The following KIFAP3 variants were observed in gnomAD, a reference collection of about 807,000 sequenced individuals.
KIFAP3 encodes kinesin associated protein 3, also known as kinesin-associated protein 3.
A neutral mutation model predicts 106.5 loss-of-function variants in KIFAP3; 68 were observed. That is an observed-to-expected ratio of 0.64 (90% confidence interval 0.53 to 0.78). The LOEUF is 0.78. Ranked by LOEUF, KIFAP3 falls within the 30% of genes least tolerant of loss-of-function variation. The probability of loss-of-function intolerance (pLI) is 0.00; values close to 1 mark genes in which losing one functional copy is unlikely to be tolerated. For synonymous variants in KIFAP3, 320 were observed against 311.5 expected, an observed-to-expected ratio of 1.03 and a Z score of -0.29; for missense variants, 780 against 941.8, an observed-to-expected ratio of 0.83 and a Z score of 2.25.
At chr1:170,018,398 A>G (rs190357520) in intron 9 of KIFAP3, among the ~76,000 whole-genome samples, 22 of 152,322 alleles carry the variant, frequency 1.4e-4, no homozygotes, top group African/African-American at 4.8e-4. Context: ...CAGAGGACAC[A>G]ACTTATTTAG....
intron 8 of KIFAP3, among the ~76,000 whole-genome samples, chr1:170,031,343 C>T (rs1669400039): frequency 6.6e-6 from 1 of 151,636 alleles, no homozygotes; most frequent in South Asian, 2.1e-4. Context: ...CTACATGAAT[C>T]ATCAAATAGT....
At chr1:169,957,182 T>C (rs2101852276) in intron 18 of KIFAP3, among the ~76,000 whole-genome samples, 2 of 152,340 alleles carry the variant, frequency 1.3e-5, no homozygotes, top group Middle Eastern at 6.8e-3. Flanking sequence ...TCTAGGAGTG[T>C]CTTAAATTCC....
At chr1:170,018,141 A>G (rs1668615943) in intron 9 of KIFAP3, among the ~76,000 whole-genome samples, 1 of 152,222 alleles carries the variant, frequency 6.6e-6, no homozygotes, top group Admixed American at 6.5e-5. Flanking sequence ...CATGACCTAC[A>G]ATAATCATAT....
In KIFAP3 at chr1:169,928,699, C is replaced by CAAAAAAAAAAAAAAAA. The variant is rs10690029; in HGVS notation, c.2274-6934_2274-6919dup. ...AACAGAGTGAGTGAGACCCTGTCTC[C>CAAAAAAAAAAAAAAAA]AAAAAAAAAAAAAAAAAAAAAATTA... On this transcript the variant is annotated intron_variant, in intron 19 of 19. Coordinates refer to ENST00000361580, the MANE Select transcript of KIFAP3 (RefSeq NM_014970.4). Among the ~76,000 whole-genome samples the CAAAAAAAAAAAAAAAA allele has an allele frequency of 2.6e-4, 10 of 37,780 alleles. 3 individuals carry two copies. Among genetic ancestry groups the CAAAAAAAAAAAAAAAA allele is most frequent in the African/African-American group, 1.2e-3 (9 of 7,232 alleles). The allele number at this position is 37,780 out of a possible 152,430, so 24.8% of individuals were successfully genotyped here.
At chr1:169,973,862 G>C (rs1194871679) in intron 16 of KIFAP3, among the ~76,000 whole-genome samples, 2 of 151,780 alleles carry the variant, frequency 1.3e-5, no homozygotes, top group Non-Finnish European at 3.0e-5. Flanking sequence ...AGCTCGAATA[G>C]AGAAATGGAA....
At chr1:170,065,997 A>G (rs1408959285) in intron 1 of KIFAP3, among the ~76,000 whole-genome samples, 1 of 152,150 alleles carries the variant, frequency 6.6e-6, no homozygotes, top group African/African-American at 2.4e-5. Flanking sequence ...TTTTCCTAAC[A>G]GCCTTGTGAA....
chr1:170,017,255 C>CAAA (rs11417586), intron 9 of KIFAP3, among the ~76,000 whole-genome samples: 106 of 70,110 alleles, frequency 1.5e-3, no homozygotes, highest in African/African-American at 4.0e-3. Flanking sequence ...GAGACTGTCT[C>CAAA]AAAAAAAAAA....
chr1:169,957,230 A>G (rs16862843), intron 18 of KIFAP3, among the ~76,000 whole-genome samples: 1 of 152,212 alleles, frequency 6.6e-6, no homozygotes, highest in Non-Finnish European at 1.5e-5. Context: ...ACAAGGAACT[A>G]AAGTATTTCA....
At chr1:170,070,421 A>T (rs1043444259) in intron 1 of KIFAP3, among the ~76,000 whole-genome samples, 1 of 152,164 alleles carries the variant, frequency 6.6e-6, no homozygotes, top group African/African-American at 2.4e-5. Context: ...TTCAGTAATC[A>T]AAACAGTGAG....
intron 16 of KIFAP3, among the ~76,000 whole-genome samples, chr1:169,973,123 A>ATATATATATATATATATATATATATATAG (rs1553278139): frequency 3.9e-5 from 5 of 128,656 alleles, no homozygotes; most frequent in Admixed American, 8.4e-5. Context: ...ATATATATAT[A>ATATATATATATATATATATATATATATAG]AACAACACAA....
At chr1:170,015,946 T>C (rs1031034494) in intron 10 of KIFAP3, among the ~76,000 whole-genome samples, 5 of 152,068 alleles carry the variant, frequency 3.3e-5, no homozygotes, top group Non-Finnish European at 5.9e-5. Context: ...AATACCCTTT[T>C]TAGAGGCTGA....
chr1:170,017,845 G>A (rs898392462), intron 9 of KIFAP3, among the ~76,000 whole-genome samples: 1 of 152,116 alleles, frequency 6.6e-6, no homozygotes, highest in African/African-American at 2.4e-5. Context: ...TCTGTTAACT[G>A]ACAAATGGAA....
At chr1:169,923,264 T>A (rs1394656862) in intron 19 of KIFAP3, among the ~76,000 whole-genome samples, 1 of 152,182 alleles carries the variant, frequency 6.6e-6, no homozygotes, top group Non-Finnish European at 1.5e-5. Context: ...ATAGGCACTT[T>A]TTCTAACTTT....
intron 1 of KIFAP3, among the ~76,000 whole-genome samples, chr1:170,071,896 T>C (rs1317414383): frequency 3.9e-5 from 6 of 152,212 alleles, no homozygotes; most frequent in Non-Finnish European, 7.3e-5. Flanking sequence ...AGATGGACCT[T>C]GATATACCAT....
intron 19 of KIFAP3, among the ~76,000 whole-genome samples, chr1:169,938,873 G>A (rs549877726): frequency 6.6e-6 from 1 of 152,286 alleles, no homozygotes; most frequent in Admixed American, 6.5e-5. Flanking sequence ...GCACAAAGGT[G>A]ACAAAGTGCG....
chr1:170,015,141 A>G (rs1311289309), intron 10 of KIFAP3, among the ~76,000 whole-genome samples: 1 of 152,212 alleles, frequency 6.6e-6, no homozygotes, highest in Non-Finnish European at 1.5e-5. Flanking sequence ...CACATGAGTG[A>G]TTTCTTAAAA....
chr1:169,922,683 T>C (rs1231605349), intron 19 of KIFAP3, among the ~76,000 whole-genome samples: 1 of 152,216 alleles, frequency 6.6e-6, no homozygotes, highest in African/African-American at 2.4e-5. Flanking sequence ...CTTAACATGC[T>C]CATGCATAGC....
At chr1:169,995,933 A>C (rs1305393165) in intron 10 of KIFAP3, among the ~76,000 whole-genome samples, 1 of 151,998 alleles carries the variant, frequency 6.6e-6, no homozygotes, top group Admixed American at 6.6e-5. Context: ...GTGTGTGTGT[A>C]GCTTCCAAAG....
intron 18 of KIFAP3, among the ~76,000 whole-genome samples, chr1:169,960,090 T>C (rs994187743): frequency 6.6e-6 from 1 of 152,090 alleles, no homozygotes; most frequent in African/African-American, 2.4e-5. Flanking sequence ...AATGAAAGTG[T>C]GAGTGGTATT....
Sources: gnomAD v4.1 joint callset for allele counts (sites outside exome capture counted in the v4.1 genomes callset) on GRCh38, gnomAD v4.1.1 for gene constraint, MANE v1.5 for transcripts, NCBI Gene and HGNC (gene_info 2026-07-23, HGNC 2026-07-21) for gene names.